The following NEB variants were observed in gnomAD, a reference collection of about 807,000 sequenced individuals.
The protein encoded by NEB is nemaline myopathy type 2.
In NEB, 512 loss-of-function variants were observed where a neutral mutation model predicts 952.2. The ratio of observed to expected loss-of-function variants is 0.54; its 90% CI spans 0.50 to 0.58. The LOEUF is 0.58. Among genes scored for constraint, NEB ranks in the 20% least tolerant of loss-of-function variants. NEB has a pLI of 0.00. For missense variants in NEB, 8,428 were observed against 9,231.1 expected, an observed-to-expected ratio of 0.91 and a Z score of 3.56; for synonymous variants, 2,900 against 3,149.8, an observed-to-expected ratio of 0.92 and a Z score of 2.66.
rs368590269 is a variant in NEB at position 151,665,596 on chromosome 2, G to A, written c.5032-57C>T. 362 of 1,392,746 alleles carry A rather than the reference G, an allele frequency of 2.6e-4. 5 individuals are homozygous for A. The East Asian group carries it at 8.5e-3, about 33-fold the overall frequency. 86.3% of individuals were successfully genotyped at this position (1,392,746 alleles called of 1,614,324 possible). A position where few individuals can be genotyped will look rare whatever the true frequency, so the allele number is the denominator to read the frequency against. On this transcript the variant is annotated intron_variant, in intron 41 of 181. Coordinates refer to ENST00000397345, the MANE Select transcript of NEB (RefSeq NM_001164508.2). ...AAAGAGTCAGGGCTTGTGTTTCTTT[G>A]GCTATGTGATTTACTTACAATCAAA... is the stretch of plus-strand genomic sequence containing the variant.
Position 151,684,695 on chromosome 2 carries a change from G to T in NEB, c.2835+83C>A, listed in dbSNP as rs1008546616. The T allele has an allele frequency of 7.7e-6, 10 of 1,304,726 alleles. No individual in the cohort carries two copies. In the Admixed American group the frequency reaches 2.0e-4, roughly 26 times the overall value. The allele number at this position is 1,304,726 out of a possible 1,614,324, so 80.8% of individuals were successfully genotyped here. A position where few individuals can be genotyped will look rare whatever the true frequency, so the allele number is the denominator to read the frequency against. ...AGGACAATGCAGATACCTCTAAGAA[G>T]TGCAAAAACCTCACTCAACTTCAAA... On this transcript the variant is annotated intron_variant, in intron 28 of 181. Coordinates refer to ENST00000397345, the MANE Select transcript of NEB (RefSeq NM_001164508.2).
At chr2:151,560,282 G>T (rs2095947942) in intron 124 of NEB, among the ~76,000 whole-genome samples, 1 of 152,114 alleles carries the variant, frequency 6.6e-6, no homozygotes, top group Non-Finnish European at 1.5e-5. Flanking sequence ...TTTCTGTAAG[G>T]TGTATTATGT....
rs147771455 is a variant in NEB, at chr2:151,622,106, T to G, written c.10453-1080A>C. On this transcript the variant is annotated intron_variant, in intron 71 of 181. Transcript: ENST00000397345. ...CTCACTGCCTCCCAGGTTCAAGCGA[T>G]TCTCGTGCCTCAGCCACCCGAGTAG... is the stretch of plus-strand genomic sequence containing the variant. Among the ~76,000 whole-genome samples the G allele has an allele frequency of 5.1e-3, 772 of 152,238 alleles. 4 individuals carry two copies. Among genetic ancestry groups the G allele is most frequent in the African/African-American group, 0.017 (708 of 41,544 alleles).
At chr2:151,579,102 A>G (rs2097027956) in intron 105 of NEB, among the ~76,000 whole-genome samples, 1 of 150,872 alleles carries the variant, frequency 6.6e-6, no homozygotes, top group Admixed American at 6.6e-5. Context: ...AAAAAAAAAA[A>G]AAAAAGTAAG....
intron 47 of NEB, among the ~76,000 whole-genome samples, chr2:151,658,831 C>T (rs763071035): frequency 1.3e-5 from 2 of 152,034 alleles, no homozygotes; most frequent in African/African-American, 2.4e-5. Flanking sequence ...ATAAGGAGTG[C>T]CCCCCTAGAA....
intron 61 of NEB, 71 bp downstream of exon 61, chr2:151,640,284 A>G (rs1468590099): frequency 1.3e-6 from 2 of 1,574,622 alleles, no homozygotes; most frequent in Admixed American, 1.7e-5. Flanking sequence ...TGTGCCATAT[A>G]TTGCCATTTT....
intron 135 of NEB, among the ~76,000 whole-genome samples, chr2:151,543,316 C>T (rs1179329297): frequency 6.6e-6 from 1 of 152,190 alleles, no homozygotes; most frequent in African/African-American, 2.4e-5. Context: ...CACAGGCACA[C>T]ACATCAATTT....
chr2:151,526,766 C>T (rs983596503), intron 148 of NEB, among the ~76,000 whole-genome samples, 152 bp downstream of exon 148: 2 of 152,140 alleles, frequency 1.3e-5, no homozygotes, highest in African/African-American at 2.4e-5. Flanking sequence ...TGACTGCTGG[C>T]GCCCCTCACA....
In NEB at chr2:151,697,642, A is replaced by G; in HGVS notation, c.1159T>C (p.Tyr387His). The change falls in exon 14 of 182, where the codon TAC (tyrosine) becomes CAC (histidine). Residue 387 changes from tyrosine to histidine, a missense_variant. Coordinates refer to ENST00000397345, the MANE Select transcript of NEB (RefSeq NM_001164508.2). ...AAGDALSDKLYKENYEKTKAK... is the reference protein window; with the variant it reads ...AAGDALSDKLHKENYEKTKAK... ...TTTGTCTTTTCATAGTTTTCCTTGTATAGTTTCTGTCAAAGAAAAAAAATT... is the reference window on the plus strand; with the variant it reads ...TTTGTCTTTTCATAGTTTTCCTTGTGTAGTTTCTGTCAAAGAAAAAAAATT... The G allele has an allele frequency of 1.2e-6, 2 of 1,601,586 alleles. No individual in the cohort carries two copies. Among genetic ancestry groups the G allele is most frequent in the South Asian group, 1.1e-5 (1 of 88,228 alleles).
chr2:151,512,774 C>G lies in NEB; in HGVS notation c.23305G>C (p.Glu7769Gln). ...TTGACTTGTTGGGCATGAATGATCT[C>G]TGGAGTATCAACCACAGAAGTGAAA... ...ANFTSVVDTP[E>Q]IIHAQQVKNL... The change falls in exon 161 of 182, where the codon GAG (glutamate) becomes CAG (glutamine). Residue 7769 changes from glutamate (E) to glutamine (Q), a missense_variant. This residue lies in a region of NEB where 3,374 missense variants were observed against 3,651.5 expected (regional missense o/e 0.92). Coordinates refer to ENST00000397345, the MANE Select transcript of NEB (RefSeq NM_001164508.2). The G allele has an allele frequency of 6.2e-7, 1 of 1,613,912 alleles. No individual in the cohort carries two copies. Among genetic ancestry groups the G allele is most frequent in the Non-Finnish European group, 8.5e-7 (1 of 1,179,836 alleles).
intron 71 of NEB, among the ~76,000 whole-genome samples, chr2:151,624,169 T>C (rs1322892992): frequency 6.6e-6 from 1 of 152,184 alleles, no homozygotes; most frequent in Non-Finnish European, 1.5e-5. Context: ...TTTTTATTTA[T>C]TTGTATGTAT....
At chr2:151,526,493 C>T (rs1397114584) in intron 148 of NEB, among the ~76,000 whole-genome samples, 1 of 152,172 alleles carries the variant, frequency 6.6e-6, no homozygotes, top group Non-Finnish European at 1.5e-5. Flanking sequence ...TATAGTCACA[C>T]TTACGTTCAC....
At chr2:151,550,250 G>A (rs2095212922) in intron 129 of NEB, among the ~76,000 whole-genome samples, 1 of 113,232 alleles carries the variant, frequency 8.8e-6, no homozygotes, top group Non-Finnish European at 1.7e-5. Context: ...CTGGGAGACA[G>A]AGGAGACCCT....
chr2:151,569,414 T>G, intron 109 of NEB, 42 bp from the exon 110 acceptor site: 1 of 1,469,094 alleles, frequency 6.8e-7, no homozygotes, highest in Non-Finnish European at 9.5e-7. Context: ...ACCCTGGTCA[T>G]GTGGTCCTAG....
intron 45 of NEB, among the ~76,000 whole-genome samples, chr2:151,663,328 C>T (rs924609614): frequency 2.0e-5 from 3 of 152,138 alleles, no homozygotes; most frequent in Non-Finnish European, 4.4e-5. Context: ...CAGAATCCAA[C>T]AATGCTCCCA....
At chr2:151,531,551 A>G (rs1193585050) in intron 144 of NEB, among the ~76,000 whole-genome samples, 1 of 152,066 alleles carries the variant, frequency 6.6e-6, no homozygotes, top group Non-Finnish European at 1.5e-5. Flanking sequence ...TCGTGGCCTC[A>G]AGTGATCCAC....
intron 71 of NEB, among the ~76,000 whole-genome samples, chr2:151,621,647 T>C (rs1295308120): frequency 2.0e-5 from 3 of 152,222 alleles, no homozygotes; most frequent in African/African-American, 7.2e-5. Flanking sequence ...GTTCAATTTC[T>C]GTGGCAGGAC....
chr2:151,666,248 A>G lies in NEB; in HGVS notation c.4873T>C (p.Tyr1625His). Residue 1625 changes from tyrosine (Y) to histidine (H), a missense_variant, in exon 41 of 182, where the codon TAC becomes CAC. Tyr to His is a moderately conservative substitution (Grantham distance 83). Transcript: ENST00000397345. ...KKGYEASKTK[Y>H]HTPLDMVSVT... ...CTGACCATATCCAGAGGTGTGTGGT[A>G]CTTGGTCTTGCTGGCTTCATAGCCC... is the stretch of plus-strand genomic sequence containing the variant. 6.2e-7 allele frequency: 1 copy of G among 1,613,946 alleles called. No homozygotes were observed. The highest frequency in any genetic ancestry group is 1.3e-5 in the African/African-American group (1 of 75,020).
At chr2:151,514,538 G>C in intron 158 of NEB, 110 bp from the exon 159 acceptor site, 2 of 883,478 alleles carry the variant, frequency 2.3e-6, no homozygotes, top group Non-Finnish European at 3.7e-6. Context: ...TCACAGTTTA[G>C]TAAGTAAAAA....
Sources: gnomAD v4.1 joint callset for allele counts (sites outside exome capture counted in the v4.1 genomes callset) on GRCh38, gnomAD v4.1.1 for gene constraint, gnomAD v4.1.1 regional missense constraint, MANE v1.5 for transcripts, NCBI Gene and HGNC (gene_info 2026-07-23, HGNC 2026-07-21) for gene names.